Variants in RIT2 observed in about 807,000 individuals in gnomAD.
The protein encoded by RIT2 is Ras like without CAAX 2.
In RIT2, 24 loss-of-function variants were observed where a neutral mutation model predicts 23.7. The observed-to-expected ratio is 1.01, with a 90% CI of 0.73 to 1.43. The LOEUF (loss-of-function observed/expected upper bound fraction) is 1.43, where lower values mean the gene tolerates loss of function less well. RIT2 is among the 40% of genes most tolerant of loss of function. The pLI, the probability that RIT2 is intolerant of heterozygous loss-of-function variation, is 0.00. For synonymous variants in RIT2, 107 were observed against 91.1 expected (o/e 1.17, Z -0.99); for missense variants, 236 against 266.9 (o/e 0.88, Z 0.81).
intron 4 of RIT2, among the ~76,000 whole-genome samples, chr18:42,789,831 TG>T (rs1481433979): frequency 6.6e-6 from 1 of 152,246 alleles, no homozygotes; most frequent in Non-Finnish European, 1.5e-5. Flanking sequence ...CTTGCCCGAT[TG>T]CTCTGGCTAG....
chr18:43,023,001 C>T (rs1475453222), intron 2 of RIT2, among the ~76,000 whole-genome samples: 1 of 152,034 alleles, frequency 6.6e-6, no homozygotes, highest in Non-Finnish European at 1.5e-5. Flanking sequence ...CAAAGTGTTG[C>T]AGTCTTTATT....
intron 2 of RIT2, among the ~76,000 whole-genome samples, chr18:43,003,374 T>C (rs536195170): frequency 2.4e-4 from 37 of 152,120 alleles, no homozygotes; most frequent in Non-Finnish European, 4.3e-4. Context: ...CTTGTTTGCA[T>C]ATGTGTAACT....
At chr18:43,087,427 A>C (rs182383590) in intron 1 of RIT2, among the ~76,000 whole-genome samples, 1 of 152,104 alleles carries the variant, frequency 6.6e-6, no homozygotes, top group Non-Finnish European at 1.5e-5. Context: ...TCAAGATAAT[A>C]GATAATCCTG....
intron 4 of RIT2, among the ~76,000 whole-genome samples, chr18:42,790,361 T>C (rs1456182019): frequency 6.6e-6 from 1 of 152,236 alleles, no homozygotes; most frequent in Non-Finnish European, 1.5e-5. Flanking sequence ...CCTGCCTATG[T>C]TAAGGATGTA....
chr18:43,056,758 A>T (rs1324456368), intron 1 of RIT2, among the ~76,000 whole-genome samples: 1 of 152,120 alleles, frequency 6.6e-6, no homozygotes, highest in Non-Finnish European at 1.5e-5. Flanking sequence ...TGCTCCAGGC[A>T]TTAGTAAGGT....
rs565722673 is a variant in RIT2 at position 42,987,254 on chromosome 18, C to T, written c.161-13107G>A. Among the ~76,000 whole-genome samples the T allele has an allele frequency of 1.2e-4, 18 of 152,248 alleles. 1 individual carries two copies. The South Asian group carries it at 3.5e-3, about 30-fold the overall frequency. On this transcript the variant is annotated intron_variant, in intron 2 of 4. Transcript: ENST00000326695. ...TACTTCCCCATTCTTTGATTTTAGA[C>T]TTGACCATGCAACTTGCATAATGAA...
intron 4 of RIT2, among the ~76,000 whole-genome samples, chr18:42,775,712 A>C (rs1043682486): frequency 8.6e-5 from 13 of 151,682 alleles, no homozygotes; most frequent in African/African-American, 2.4e-4. Context: ...TAAATAAATA[A>C]ATAAATAAAT....
intron 4 of RIT2, among the ~76,000 whole-genome samples, chr18:42,821,175 T>C (rs1906137404): frequency 6.6e-6 from 1 of 152,116 alleles, no homozygotes; most frequent in South Asian, 2.1e-4. Context: ...TATTCTTTTA[T>C]AGCAATGAAA....
At chr18:43,102,514 G>A (rs925861235) in intron 1 of RIT2, among the ~76,000 whole-genome samples, 4 of 143,570 alleles carry the variant, frequency 2.8e-5, no homozygotes, top group African/African-American at 7.9e-5. Context: ...AAAAGGTTTC[G>A]GAAATAAAAC....
intron 2 of RIT2, among the ~76,000 whole-genome samples, chr18:43,011,367 A>C (rs1911346992): frequency 6.6e-6 from 1 of 151,818 alleles, no homozygotes; most frequent in Non-Finnish European, 1.5e-5. Flanking sequence ...GAAGCAAAGG[A>C]GAGAGATGTC....
chr18:42,854,924 C>T (rs921316639), intron 4 of RIT2, among the ~76,000 whole-genome samples: 3 of 152,162 alleles, frequency 2.0e-5, no homozygotes, highest in African/African-American at 7.2e-5. Flanking sequence ...CTACTCTTCT[C>T]TGATCTCTTT....
chr18:42,943,470 C>T (rs1453474242), intron 3 of RIT2, among the ~76,000 whole-genome samples: 11 of 152,052 alleles, frequency 7.2e-5, no homozygotes, highest in East Asian at 1.9e-4. Flanking sequence ...TGACAATTTT[C>T]GATTTGCAAA....
chr18:42,892,521 T>C (rs537343024), intron 4 of RIT2, among the ~76,000 whole-genome samples: 82 of 152,298 alleles, frequency 5.4e-4, no homozygotes, highest in South Asian at 3.3e-3. Flanking sequence ...GTTTTGCCCG[T>C]ATTAAATCTT....
chr18:42,816,105 T>C (rs1409089962), intron 4 of RIT2, among the ~76,000 whole-genome samples: 8 of 151,760 alleles, frequency 5.3e-5, no homozygotes, highest in Non-Finnish European at 8.8e-5. Flanking sequence ...AGGACAATGG[T>C]GTGCCAGTAA....
intron 4 of RIT2, among the ~76,000 whole-genome samples, chr18:42,922,555 T>C (rs995685354): frequency 6.6e-6 from 1 of 152,164 alleles, no homozygotes; most frequent in Admixed American, 6.6e-5. Context: ...ATGTGAGTCA[T>C]GGGAATGGAA....
chr18:43,013,988 T>G (rs961990850), intron 2 of RIT2, among the ~76,000 whole-genome samples: 2 of 151,766 alleles, frequency 1.3e-5, no homozygotes, highest in African/African-American at 4.8e-5. Context: ...TAAGTAAAAT[T>G]GAGTTTCTTT....
At chr18:42,887,126 T>C (rs541324359) in intron 4 of RIT2, among the ~76,000 whole-genome samples, 34 of 152,272 alleles carry the variant, frequency 2.2e-4, no homozygotes, top group African/African-American at 7.9e-4. Flanking sequence ...AAAGATATAA[T>C]GCTGTTAAGA....
intron 3 of RIT2, among the ~76,000 whole-genome samples, chr18:42,958,621 A>G (rs1338745919): frequency 6.6e-6 from 1 of 152,164 alleles, no homozygotes; most frequent in African/African-American, 2.4e-5. Flanking sequence ...AATATAATAT[A>G]TAATTTGATC....
intron 4 of RIT2, among the ~76,000 whole-genome samples, chr18:42,918,154 G>C (rs1012197702): frequency 1.3e-5 from 2 of 152,098 alleles, no homozygotes; most frequent in African/African-American, 4.8e-5. Flanking sequence ...TAGCTGTCAA[G>C]TTCATTTGTG....
Sources: gnomAD v4.1 joint callset for allele counts (sites outside exome capture counted in the v4.1 genomes callset) on GRCh38, gnomAD v4.1.1 for gene constraint, MANE v1.5 for transcripts, NCBI Gene and HGNC (gene_info 2026-07-23, HGNC 2026-07-21) for gene names.